Variants in RAG1 observed in about 807,000 individuals in gnomAD.
The protein encoded by RAG1 is recombination activating 1.
Under a neutral mutation model 62.7 loss-of-function variants are expected in RAG1, and 35 were observed. That is an observed-to-expected ratio of 0.56 (90% CI 0.43 to 0.74). RAG1 has a LOEUF of 0.74. Among genes scored for constraint, RAG1 ranks in the 30% least tolerant of loss-of-function variants. RAG1 has a pLI of 0.00. For synonymous variants in RAG1, 461 were observed against 470.3 expected (o/e 0.98, Z 0.26); for missense variants, 1,169 against 1,278.6 (o/e 0.91, Z 1.31).
At chr11:36,539,037 G>C (rs1480119269), downstream of RAG1, among the ~76,000 whole-genome samples, 1 of 152,140 alleles carries the variant, frequency 6.6e-6, no homozygotes, top group Non-Finnish European at 1.5e-5. Context: ...TGAGACTCTT[G>C]TGGATTGAAT....
At chr11:36,511,642 A>G (rs1590654907) in intron 1 of RAG1, among the ~76,000 whole-genome samples, 1 of 152,322 alleles carries the variant, frequency 6.6e-6, no homozygotes, top group South Asian at 2.1e-4. Flanking sequence ...ATTTTGAAAC[A>G]CTTAAGACAT....
chr11:36,524,237 T>A (rs1264048653), intron 2 of RAG1, among the ~76,000 whole-genome samples: 1 of 151,512 alleles, frequency 6.6e-6, no homozygotes, highest in South Asian at 2.1e-4. Flanking sequence ...ATATACCTAA[T>A]GTAAATGATG....
At chr11:36,510,460 C>T (rs898793887), upstream of RAG1, 1 of 152,274 alleles carries the variant, frequency 6.6e-6, no homozygotes, top group African/African-American at 2.4e-5. Context: ...ACCGCACAGC[C>T]GAACCCGAGT....
exon 1 of RAG1, chr11:36,511,005 A>T (rs1316857004): frequency 6.6e-6 from 1 of 152,028 alleles, no homozygotes; most frequent in East Asian, 1.9e-4. Flanking sequence ...CTTGGTTCCA[A>T]TCCGGTTTTT....
chr11:36,559,278 T>C (rs978579522), intron 3 of RAG1, among the ~76,000 whole-genome samples: 7 of 152,216 alleles, frequency 4.6e-5, no homozygotes, highest in Non-Finnish European at 1.0e-4. Flanking sequence ...TACACTTCTC[T>C]CTTGCTGTTT....
chr11:36,532,388 A>G (rs1237211451), intron 2 of RAG1, among the ~76,000 whole-genome samples: 1 of 152,130 alleles, frequency 6.6e-6, no homozygotes, highest in Non-Finnish European at 1.5e-5. Context: ...TTTTACAAAA[A>G]TGGTACCACA....
At chr11:36,564,452 A>G (rs559047348), upstream of RAG1, among the ~76,000 whole-genome samples, 2 of 152,320 alleles carry the variant, frequency 1.3e-5, no homozygotes, top group East Asian at 3.9e-4. Context: ...AGAAGCAAAT[A>G]CATGATTTCT....
chr11:36,577,772 T>G lies in RAG1; in HGVS notation c.*1336T>G, dbSNP rs1850874390. On this transcript the variant is annotated 3_prime_UTR_variant, in exon 2 of 2. Transcript: ENST00000299440. ...GTCCTTTTGTCTCCAAAGCCCTTCT[T>G]CTTTCCACCACAAATTAATCACTAT... 6.0e-6 allele frequency: 1 copy of G among 167,116 alleles called. No homozygotes were observed. Among genetic ancestry groups the G allele is most frequent in the African/African-American group, 2.4e-5 (1 of 41,482 alleles). The allele number at this position is 167,116 out of a possible 1,614,324, so 10.4% of individuals were successfully genotyped here.
chr11:36,562,938 CT>C (rs534285539), intron 3 of RAG1, among the ~76,000 whole-genome samples: 199 of 152,118 alleles, frequency 1.3e-3, no homozygotes, highest in Admixed American at 3.1e-3. Context: ...TCTCGGGAGG[CT>C]TCTGTCCTTG....
intron 2 of RAG1, among the ~76,000 whole-genome samples, chr11:36,520,910 T>A (rs1860068972): frequency 6.6e-6 from 1 of 152,050 alleles, no homozygotes; most frequent in Non-Finnish European, 1.5e-5. Context: ...CCTTAAATAT[T>A]TCATTACACT....
At position 36,575,174 on chromosome 11, in the gene RAG1, C is replaced by T. The variant is rs199474688; in HGVS notation, c.1870C>T (p.Arg624Cys). 6 of 1,614,094 alleles carry T rather than the reference C, an allele frequency of 3.7e-6. No individual in the cohort carries two copies. The highest frequency in any genetic ancestry group is 4.2e-6 in the Non-Finnish European group (5 of 1,179,986). ...GCCTGTAGTTCCAGAAAAGGCAGTC[C>T]GTTTTTCATTCACAATCATGAAAAT... ...SGPVVPEKAV[R>C]FSFTIMKITI... is the part of the protein sequence containing the mutation. Residue 624 changes from arginine (R) to cysteine (C), a missense_variant, in exon 2 of 2, where the codon CGT becomes TGT. By Grantham distance (180) the Arg-to-Cys change is radical. Around this residue, in one of 2 missense-constraint regions of RAG1, gnomAD observed 800 missense variants for 943.3 expected, o/e 0.85. Transcript: ENST00000299440. This position sits in a 1 kb window ranked among gnomAD's most constrained non-coding sequence, Gnocchi z 4.1.
At chr11:36,525,728 A>G (rs1448238764) in intron 2 of RAG1, among the ~76,000 whole-genome samples, 1 of 152,192 alleles carries the variant, frequency 6.6e-6, no homozygotes, top group Non-Finnish European at 1.5e-5. Context: ...ATATTGAAAT[A>G]CAATTTATAT....
chr11:36,574,308 G>T lies in RAG1; in HGVS notation c.1004G>T (p.Cys335Phe), dbSNP rs371983072. The T allele has an allele frequency of 3.1e-6, 5 of 1,614,088 alleles. No individual in the cohort carries two copies. In the African/African-American group the frequency reaches 5.3e-5, roughly 17 times the overall value. The change falls in exon 2 of 2, where the codon TGC becomes TTC. Residue 335 changes from cysteine (C) to phenylalanine (F), a missense_variant. Cys to Phe is a radical substitution (Grantham distance 205). Around this residue, in one of 2 missense-constraint regions of RAG1, gnomAD observed 800 missense variants for 943.3 expected, o/e 0.85. Transcript: ENST00000299440. ...TATTGTCCCTCTTGCCGATATCCAT[G>T]CTTCCCTACTGACCTGGAGAGTCCA... ...GSYCPSCRYP[C>F]FPTDLESPVK...
chr11:36,544,078 A>C (rs1336926698), intron 3 of RAG1, among the ~76,000 whole-genome samples: 3 of 152,224 alleles, frequency 2.0e-5, no homozygotes, highest in Non-Finnish European at 4.4e-5. Flanking sequence ...ATGAACCAGT[A>C]AACTTCCTTT....
At chr11:36,564,802 C>G (rs138113175), upstream of RAG1, among the ~76,000 whole-genome samples, 375 of 152,308 alleles carry the variant, frequency 2.5e-3, 1 homozygote, top group African/African-American at 8.7e-3. Context: ...AGTTTGCATG[C>G]TCACCCAGGG....
At chr11:36,532,097 T>G (rs371930495) in intron 2 of RAG1, among the ~76,000 whole-genome samples, 1 of 152,060 alleles carries the variant, frequency 6.6e-6, no homozygotes, top group East Asian at 1.9e-4. Flanking sequence ...ATTGCATTTA[T>G]TACTGAGATA....
intron 3 of RAG1, among the ~76,000 whole-genome samples, chr11:36,544,408 T>G (rs957169452): frequency 1.3e-5 from 2 of 152,220 alleles, no homozygotes; most frequent in Non-Finnish European, 2.9e-5. Flanking sequence ...AATTCCACCC[T>G]AGAACCTTTC....
chr11:36,573,690 T>G lies in RAG1; in HGVS notation c.386T>G (p.Val129Gly), dbSNP rs1168709961. 1.2e-6 allele frequency: 2 copies of G among 1,614,088 alleles called. No individual in the cohort carries two copies. Among genetic ancestry groups the G allele is most frequent in the Non-Finnish European group, 1.7e-6 (2 of 1,180,014 alleles). ...RADEHNRRYP[V>G]HGPVDGKTLG... ...GATGAGCACAACAGGAGATATCCAG[T>G]CCATGGTCCTGTGGATGGTAAAACC... Residue 129 changes from valine (V) to glycine (G), a missense_variant, in exon 2 of 2, where the codon GTC (valine) becomes GGC (glycine). Val to Gly is a moderately radical substitution (Grantham distance 109). This residue lies in a region of RAG1 where 369 missense variants were observed against 335.3 expected (regional missense o/e 1.10). Transcript: ENST00000299440.
intron 2 of RAG1, among the ~76,000 whole-genome samples, chr11:36,534,069 G>A (rs985216008): frequency 6.6e-6 from 1 of 151,744 alleles, no homozygotes; most frequent in Non-Finnish European, 1.5e-5. Flanking sequence ...AAAAAATATT[G>A]ATCCCTGAAG....
Sources: allele counts gnomAD v4.1 joint callset (sites outside exome capture counted in the v4.1 genomes callset), GRCh38; gene constraint gnomAD v4.1.1; regional missense constraint gnomAD v4.1.1; non-coding constraint Gnocchi (gnomAD v3.1); transcripts MANE v1.5; gene names NCBI Gene and HGNC (gene_info 2026-07-23, HGNC 2026-07-21).